The following LRFN5 variants were observed in gnomAD, a reference collection of about 807,000 sequenced individuals.
LRFN5 encodes the protein leucine rich repeat and fibronectin type III domain containing 5.
A neutral mutation model predicts 45.6 loss-of-function variants in LRFN5; 24 were observed. The observed-to-expected ratio is 0.53, with a 90% CI of 0.38 to 0.74. LRFN5 has a LOEUF of 0.74. LRFN5 is among the 30% of genes least tolerant of loss of function. The pLI, the probability that LRFN5 is intolerant of heterozygous loss-of-function variation, is 0.00. For missense variants in LRFN5, 776 were observed against 861.5 expected (o/e 0.90, Z 1.24); for synonymous variants, 340 against 313.8 (o/e 1.08, Z -0.88).
At chr14:41,664,974 A>C (rs1880828869) in intron 1 of LRFN5, among the ~76,000 whole-genome samples, 1 of 152,220 alleles carries the variant, frequency 6.6e-6, no homozygotes, top group East Asian at 1.9e-4. Context: ...TGGTCAGCAC[A>C]TGATAATTTG....
At chr14:41,751,817 G>A (rs1885146608) in intron 1 of LRFN5, among the ~76,000 whole-genome samples, 1 of 152,048 alleles carries the variant, frequency 6.6e-6, no homozygotes, top group African/African-American at 2.4e-5. Context: ...ACAATGTGCA[G>A]GTTTGTTACA....
intron 2 of LRFN5, among the ~76,000 whole-genome samples, chr14:41,855,195 T>C (rs1250840695): frequency 3.3e-5 from 5 of 152,098 alleles, no homozygotes; most frequent in South Asian, 2.1e-4. Flanking sequence ...TAAAGCTGAA[T>C]TGGCTTAAAC....
chr14:41,699,480 G>C (rs1882751033), intron 1 of LRFN5: 1 of 152,058 alleles, frequency 6.6e-6, no homozygotes, highest in South Asian at 2.1e-4. Flanking sequence ...AAGGAGTTTT[G>C]GGGGAGGAAT....
At chr14:41,613,334 C>G (rs565847750) in intron 1 of LRFN5, among the ~76,000 whole-genome samples, 80 of 152,160 alleles carry the variant, frequency 5.3e-4, no homozygotes, top group Non-Finnish European at 8.5e-4. Context: ...AATCACCACA[C>G]TGTCTTCCAC....
intron 1 of LRFN5, among the ~76,000 whole-genome samples, chr14:41,746,724 G>A (rs1884936036): frequency 6.6e-6 from 1 of 151,528 alleles, no homozygotes; most frequent in African/African-American, 2.4e-5. Context: ...AAGGAAGGAA[G>A]GAAAAGGCAT....
At chr14:41,734,648 AATTCATTTAC>A (rs1566643111) in intron 1 of LRFN5, among the ~76,000 whole-genome samples, 1 of 151,604 alleles carries the variant, frequency 6.6e-6, no homozygotes, top group Admixed American at 6.6e-5. Context: ...TGTGAAATTA[AATTCATTTAC>A]ATTCAAAGTA....
At chr14:41,781,866 C>A (rs1051755243) in intron 2 of LRFN5, among the ~76,000 whole-genome samples, 2 of 151,802 alleles carry the variant, frequency 1.3e-5, no homozygotes, top group Admixed American at 6.6e-5. Context: ...TATTCTATTC[C>A]ACTTTCTTAT....
intron 2 of LRFN5, among the ~76,000 whole-genome samples, chr14:41,773,728 C>G (rs572085321): frequency 6.6e-6 from 1 of 152,250 alleles, no homozygotes; most frequent in Admixed American, 6.5e-5. Context: ...CATGTGAGTT[C>G]AGTGGAAAAG....
chr14:41,904,347 T>A lies in LRFN5; in HGVS notation c.*172T>A. ...CTGATGACGGCGGAACTGGCTCCATTAGACCATGGTTCATCCTCTTTTAAA... is the reference window on the plus strand; with the variant it reads ...CTGATGACGGCGGAACTGGCTCCATAAGACCATGGTTCATCCTCTTTTAAA... On this transcript the variant is annotated 3_prime_UTR_variant, in exon 6 of 6. Transcript: ENST00000298119. The A allele has an allele frequency of 1.4e-6, 1 of 695,396 alleles. No homozygotes were observed. Among genetic ancestry groups the A allele is most frequent in the Non-Finnish European group, 2.3e-6 (1 of 426,792 alleles). 43.1% of individuals were successfully genotyped at this position (695,396 alleles called of 1,614,324 possible). A position where few individuals can be genotyped will look rare whatever the true frequency, so the allele number is the denominator to read the frequency against.
At chr14:41,893,305 A>G (rs1255516155) in intron 4 of LRFN5, 20 of 948,364 alleles carry the variant, frequency 2.1e-5, no homozygotes, top group Non-Finnish European at 2.0e-5. Flanking sequence ...AAATGTTTCT[A>G]TTCACTCCTT....
chr14:41,898,693 T>A (rs1345340295), intron 4 of LRFN5, among the ~76,000 whole-genome samples: 2 of 152,048 alleles, frequency 1.3e-5, no homozygotes, highest in Non-Finnish European at 2.9e-5. Context: ...TAGAATATTA[T>A]GTTTTTAAGC....
intron 1 of LRFN5, among the ~76,000 whole-genome samples, chr14:41,688,691 CAAAAA>C (rs61511909): frequency 0.045 from 6,754 of 150,188 alleles, 488 homozygotes; most frequent in African/African-American, 0.15. Flanking sequence ...CAAAACAAAA[CAAAAA>C]AAACCATGAG....
chr14:41,831,944 C>T (rs1888498143), intron 2 of LRFN5, among the ~76,000 whole-genome samples: 1 of 152,128 alleles, frequency 6.6e-6, no homozygotes, highest in African/African-American at 2.4e-5. Flanking sequence ...CCACCTTCTC[C>T]TTGTCCTCAC....
intron 2 of LRFN5, among the ~76,000 whole-genome samples, chr14:41,803,618 A>G (rs566761144): frequency 9.9e-4 from 150 of 151,888 alleles, no homozygotes; most frequent in African/African-American, 3.3e-3. Flanking sequence ...AAATGATGGG[A>G]TTACAGGGAT....
At chr14:41,864,281 C>G (rs1889768080) in intron 2 of LRFN5, among the ~76,000 whole-genome samples, 2 of 152,184 alleles carry the variant, frequency 1.3e-5, no homozygotes, top group Admixed American at 1.3e-4. Context: ...AATTTACACT[C>G]CCGCCAACCG....
chr14:41,827,675 C>T (rs952276402), intron 2 of LRFN5, among the ~76,000 whole-genome samples: 5 of 151,914 alleles, frequency 3.3e-5, no homozygotes, highest in African/African-American at 9.7e-5. Flanking sequence ...ACCTGCTACT[C>T]GTTAACCAAT....
chr14:41,646,838 CTA>C (rs1879840603), intron 1 of LRFN5, among the ~76,000 whole-genome samples: 1 of 152,092 alleles, frequency 6.6e-6, no homozygotes, highest in Admixed American at 6.5e-5. Flanking sequence ...CAAAGTACAA[CTA>C]TGTGTGAGAA....
intron 2 of LRFN5, among the ~76,000 whole-genome samples, chr14:41,875,531 G>C (rs889174569): frequency 6.6e-6 from 1 of 152,186 alleles, no homozygotes; most frequent in Non-Finnish European, 1.5e-5. Context: ...GACAACTCAA[G>C]CTATACCAAT....
intron 2 of LRFN5, among the ~76,000 whole-genome samples, chr14:41,842,903 G>A (rs1460032750): frequency 6.6e-6 from 1 of 151,746 alleles, no homozygotes; most frequent in Non-Finnish European, 1.5e-5. Flanking sequence ...CATTTTATTG[G>A]CAATACTTCT....
Sources: gnomAD v4.1 joint callset for allele counts (sites outside exome capture counted in the v4.1 genomes callset) on GRCh38, gnomAD v4.1.1 for gene constraint, MANE v1.5 for transcripts, NCBI Gene and HGNC (gene_info 2026-07-23, HGNC 2026-07-21) for gene names.